Variants in ZMIZ1 observed in about 807,000 individuals in gnomAD.
The protein encoded by ZMIZ1 is zinc finger MIZ domain-containing protein 1.
A neutral mutation model predicts 113.9 loss-of-function variants in ZMIZ1; 17 were observed. The ratio of observed to expected loss-of-function variants is 0.15; its 90% CI spans 0.10 to 0.22. The LOEUF is 0.22. Among genes scored for constraint, ZMIZ1 ranks in the 10% least tolerant of loss-of-function variants. The pLI, the probability that ZMIZ1 is intolerant of heterozygous loss-of-function variation, is 1.00. For synonymous variants in ZMIZ1, 607 were observed against 603.1 expected, an observed-to-expected ratio of 1.01 and a Z score of -0.09; for missense variants, 1,059 against 1,477.8, an observed-to-expected ratio of 0.72 and a Z score of 4.65.
At chr10:79,289,607 T>G (rs1261846719) in intron 8 of ZMIZ1, among the ~76,000 whole-genome samples, 168 bp from the exon 9 acceptor site, 1 of 152,062 alleles carries the variant, frequency 6.6e-6, no homozygotes, top group East Asian at 1.9e-4. Flanking sequence ...CAGGGCACAC[T>G]GTTGTGCACT....
At chr10:79,122,240 A>G (rs970713692) in intron 2 of ZMIZ1, among the ~76,000 whole-genome samples, 2 of 151,952 alleles carry the variant, frequency 1.3e-5, no homozygotes, top group African/African-American at 2.4e-5. Context: ...GAGCGATGGT[A>G]CCCTCCTGCC....
At chr10:79,209,272 C>T (rs1310044084) in intron 6 of ZMIZ1, among the ~76,000 whole-genome samples, 1 of 152,084 alleles carries the variant, frequency 6.6e-6, no homozygotes, top group Non-Finnish European at 1.5e-5. Flanking sequence ...GCCACACACC[C>T]GATGGAACCC....
At chr10:79,162,387 C>T (rs371181120) in intron 4 of ZMIZ1, among the ~76,000 whole-genome samples, 11 of 152,252 alleles carry the variant, frequency 7.2e-5, no homozygotes, top group Non-Finnish European at 1.2e-4. Context: ...CAGGTCTGCC[C>T]GGGGAGAGGG....
intron 1 of ZMIZ1, among the ~76,000 whole-genome samples, chr10:79,097,985 T>A (rs1843229887): frequency 6.6e-6 from 1 of 152,196 alleles, no homozygotes; most frequent in South Asian, 2.1e-4. Context: ...TCAGGCACTC[T>A]CCAAGCATTG....
chr10:79,127,650 C>T (rs544797672), intron 2 of ZMIZ1, among the ~76,000 whole-genome samples: 1 of 152,288 alleles, frequency 6.6e-6, no homozygotes, highest in African/African-American at 2.4e-5. Flanking sequence ...CAGGGTCACA[C>T]GGCCCAGCCA....
intron 7 of ZMIZ1, among the ~76,000 whole-genome samples, chr10:79,240,716 TATTA>T (rs1300523757): frequency 1.4e-5 from 2 of 138,516 alleles, no homozygotes; most frequent in Non-Finnish European, 3.0e-5. Context: ...GAGGAGCGTA[TATTA>T]ATTCTCTTCT....
rs2132093494 is a variant in ZMIZ1 at position 79,307,405 on chromosome 10, G to A, written c.2669G>A (p.Gly890Asp). 6.2e-7 allele frequency: 1 copy of A among 1,610,256 alleles called. No homozygotes were observed. The highest frequency in any genetic ancestry group is 8.5e-7 in the Non-Finnish European group (1 of 1,178,426). Residue 890 changes from glycine (G) to aspartate (D), a missense_variant and splice_region_variant, in exon 23 of 25, where the codon GGC becomes GAC. Around this residue, in one of 6 missense-constraint regions of ZMIZ1, gnomAD observed 225 missense variants for 276.0 expected, o/e 0.82. Coordinates refer to ENST00000334512, the MANE Select transcript of ZMIZ1 (RefSeq NM_020338.4). ...CCCTCCCCATCTCATCCCTTCCTAGGCAACAACTACCAAGGCCATGGCAAC... is the reference window on the plus strand; with the variant it reads ...CCCTCCCCATCTCATCCCTTCCTAGACAACAACTACCAAGGCCATGGCAAC... The part of the protein sequence containing the change: ...GTNSNDYSSQ[G>D]NNYQGHGNFD...
chr10:79,184,559 C>T (rs910162029), intron 4 of ZMIZ1, among the ~76,000 whole-genome samples: 10 of 152,238 alleles, frequency 6.6e-5, no homozygotes, highest in African/African-American at 2.4e-4. Flanking sequence ...ATCACCCGCC[C>T]CCTCTCTGCC....
chr10:79,292,465 G>A lies in ZMIZ1; in HGVS notation c.957+109G>A. The A allele has an allele frequency of 2.8e-6, 4 of 1,425,906 alleles. No homozygotes were observed. In the South Asian group the frequency reaches 3.9e-5, roughly 14 times the overall value. 88.3% of individuals were successfully genotyped at this position (1,425,906 alleles called of 1,614,324 possible). A position where few individuals can be genotyped will look rare whatever the true frequency, so the allele number is the denominator to read the frequency against. ...GCTTATGGGGCCATGTGTGCTGGGA[G>A]AGCTGACTGCATTAGGGTGCATTTG... On this transcript the variant is annotated intron_variant, in intron 11 of 24. Coordinates refer to ENST00000334512, the MANE Select transcript of ZMIZ1 (RefSeq NM_020338.4).
At chr10:79,208,751 A>G (rs1421904075) in intron 6 of ZMIZ1, among the ~76,000 whole-genome samples, 2 of 152,012 alleles carry the variant, frequency 1.3e-5, no homozygotes, top group African/African-American at 2.4e-5. Context: ...CAGTAGAGAA[A>G]CTCTCAAAGG....
intron 7 of ZMIZ1, among the ~76,000 whole-genome samples, chr10:79,220,948 G>A (rs867095535): frequency 1.3e-5 from 2 of 152,238 alleles, no homozygotes; most frequent in South Asian, 4.2e-4. Flanking sequence ...GTATGTCTAT[G>A]ACGTATATGT....
At chr10:79,161,065 C>T (rs1052102640) in intron 3 of ZMIZ1, among the ~76,000 whole-genome samples, 9 of 152,172 alleles carry the variant, frequency 5.9e-5, no homozygotes, top group African/African-American at 9.7e-5. Context: ...CAGTAGGGGG[C>T]GTGTTGGTGG....
intron 7 of ZMIZ1, among the ~76,000 whole-genome samples, chr10:79,233,520 A>G (rs1005404100): frequency 6.6e-6 from 1 of 152,322 alleles, no homozygotes; most frequent in African/African-American, 2.4e-5. Flanking sequence ...CTGATGACCT[A>G]ATCCTCTCCC....
chr10:79,297,337 C>T (rs973909666), intron 13 of ZMIZ1, among the ~76,000 whole-genome samples: 1 of 152,200 alleles, frequency 6.6e-6, no homozygotes, highest in Admixed American at 6.5e-5. Context: ...TTTATTATGG[C>T]CATCTACCAA....
intron 2 of ZMIZ1, among the ~76,000 whole-genome samples, chr10:79,130,613 G>A (rs371935512): frequency 5.3e-5 from 8 of 152,164 alleles, no homozygotes; most frequent in South Asian, 2.1e-4. Flanking sequence ...GCAGGAAAGC[G>A]CCATGGTTGG....
chr10:79,122,076 G>A (rs566749708), intron 2 of ZMIZ1, among the ~76,000 whole-genome samples: 18 of 152,292 alleles, frequency 1.2e-4, no homozygotes, highest in Non-Finnish European at 2.2e-4. Context: ...GTGGCCCTGT[G>A]TGACGGCCAG....
At chr10:79,131,231 C>G (rs1407590460) in intron 2 of ZMIZ1, among the ~76,000 whole-genome samples, 1 of 152,196 alleles carries the variant, frequency 6.6e-6, no homozygotes, top group African/African-American at 2.4e-5. Context: ...CCAGCCAGGC[C>G]TCTGGGCCCA....
intron 3 of ZMIZ1, among the ~76,000 whole-genome samples, chr10:79,145,204 C>A (rs1845430576): frequency 6.6e-6 from 1 of 152,132 alleles, no homozygotes; most frequent in African/African-American, 2.4e-5. Context: ...CACTCTTCCT[C>A]CCTTTCTGTG....
At chr10:79,278,481 C>T (rs887349145) in intron 8 of ZMIZ1, among the ~76,000 whole-genome samples, 2 of 150,320 alleles carry the variant, frequency 1.3e-5, no homozygotes, top group Non-Finnish European at 3.0e-5. Flanking sequence ...GGGTGTTTCT[C>T]GGAGAGGGGG....
Sources: gnomAD v4.1 joint callset for allele counts (sites outside exome capture counted in the v4.1 genomes callset) on GRCh38, gnomAD v4.1.1 for gene constraint, gnomAD v4.1.1 regional missense constraint, MANE v1.5 for transcripts, NCBI Gene and HGNC (gene_info 2026-07-23, HGNC 2026-07-21) for gene names.